Variants in CSMD1 observed in about 807,000 individuals in gnomAD.
CSMD1 encodes CUB and Sushi multiple domains 1, also known as CUB and sushi domain-containing protein 1.
A neutral mutation model predicts 417.5 loss-of-function variants in CSMD1; 213 were observed. The ratio of observed to expected loss-of-function variants is 0.51; its 90% CI spans 0.46 to 0.57. CSMD1 has a LOEUF of 0.57. Among genes scored for constraint, CSMD1 ranks in the 20% least tolerant of loss-of-function variants. CSMD1 has a pLI of 0.00. For missense variants in CSMD1, 6,923 were observed against 4,529.7 expected (o/e 1.53, Z -15.17); for synonymous variants, 2,862 against 1,736.8 (o/e 1.65, Z -16.11).
In CSMD1 at chr8:4,184,039, C is replaced by T. The variant is rs897507392; in HGVS notation, c.416-151940G>A. On this transcript the variant is annotated intron_variant, in intron 3 of 69. Transcript: ENST00000635120. Reference sequence around the variant, plus strand: ...AGTTAATGTTTGCTGATAATGATGGCAAATTCTGTTATTATCTACCCTGCA... The same window carrying T: ...AGTTAATGTTTGCTGATAATGATGGTAAATTCTGTTATTATCTACCCTGCA... Among the ~76,000 whole-genome samples the T allele has an allele frequency of 3.9e-5, 6 of 152,176 alleles. No homozygotes were observed. In the South Asian group the frequency reaches 8.3e-4, roughly 21 times the overall value.
chr8:3,587,160 A>G (rs1483474138), intron 8 of CSMD1, among the ~76,000 whole-genome samples: 1 of 152,222 alleles, frequency 6.6e-6, no homozygotes, highest in Non-Finnish European at 1.5e-5. Flanking sequence ...CCCTGGCTCC[A>G]GAGCTGCATT....
At chr8:4,345,669 T>C (rs1233942225) in intron 3 of CSMD1, among the ~76,000 whole-genome samples, 1 of 152,114 alleles carries the variant, frequency 6.6e-6, no homozygotes, top group African/African-American at 2.4e-5. Flanking sequence ...GAGACCTTTC[T>C]CAAGATATGA....
At chr8:3,309,059 A>G (rs17079869) in intron 23 of CSMD1, among the ~76,000 whole-genome samples, 3,678 of 152,124 alleles carry the variant, frequency 0.024, 151 homozygotes, top group African/African-American at 0.083. Context: ...CCACAACTTC[A>G]TCTGTCAGTC....
At chr8:4,518,348 G>C (rs1803237185) in intron 2 of CSMD1, among the ~76,000 whole-genome samples, 1 of 152,048 alleles carries the variant, frequency 6.6e-6, no homozygotes, top group African/African-American at 2.4e-5. Flanking sequence ...CTTCTCATAA[G>C]ACAATTTGTG....
At chr8:3,798,403 G>C (rs998875910) in intron 5 of CSMD1, among the ~76,000 whole-genome samples, 1 of 152,042 alleles carries the variant, frequency 6.6e-6, no homozygotes, top group African/African-American at 2.4e-5. Flanking sequence ...ATATGCCCAA[G>C]TGTGAGTGTG....
intron 2 of CSMD1, among the ~76,000 whole-genome samples, chr8:4,611,875 T>C (rs1411528961): frequency 1.3e-5 from 2 of 152,200 alleles, no homozygotes; most frequent in African/African-American, 2.4e-5. Flanking sequence ...ACCTTCATAA[T>C]GCATCTTAAA....
chr8:3,810,124 A>G (rs960010041), intron 5 of CSMD1, among the ~76,000 whole-genome samples: 6 of 152,170 alleles, frequency 3.9e-5, no homozygotes, highest in Admixed American at 2.6e-4. Flanking sequence ...TGGTTTGCCA[A>G]GAGTGCTCCC....
chr8:4,282,523 A>G (rs972672989), intron 3 of CSMD1, among the ~76,000 whole-genome samples: 2 of 152,214 alleles, frequency 1.3e-5, no homozygotes, highest in Non-Finnish European at 2.9e-5. Context: ...TTGCGTTTGT[A>G]AAGCAACTAA....
rs373463648 is a variant in CSMD1, at chr8:4,138,913, C to T, written c.416-106814G>A. On this transcript the variant is annotated intron_variant, in intron 3 of 69. Coordinates refer to ENST00000635120, the MANE Select transcript of CSMD1 (RefSeq NM_033225.6). Reference sequence around the variant, plus strand: ...TTTAATACAAATAATTTAATCCAGTCCTGCAAGCTTCTATTTATTTGGAAT... The same window carrying T: ...TTTAATACAAATAATTTAATCCAGTTCTGCAAGCTTCTATTTATTTGGAAT... 9.9e-5 allele frequency among the ~76,000 whole-genome samples: 15 copies of T among 152,200 alleles called. No homozygotes were observed. In the South Asian group the frequency reaches 3.1e-3, roughly 32 times the overall value.
chr8:4,145,973 T>C (rs1185648357), intron 3 of CSMD1, among the ~76,000 whole-genome samples: 2 of 150,980 alleles, frequency 1.3e-5, no homozygotes, highest in African/African-American at 2.5e-5. Flanking sequence ...CTGTCATTTG[T>C]AGACAGGGTG....
rs556904071 is a variant in CSMD1, at chr8:3,142,477, G to A, written c.6229C>T (p.Leu2077Phe). 1 of 1,613,438 alleles carries A rather than the reference G, an allele frequency of 6.2e-7. No individual in the cohort carries two copies. Among genetic ancestry groups the A allele is most frequent in the Non-Finnish European group, 8.5e-7 (1 of 1,179,592 alleles). ...DHSQNRQGFK[L>F]AYQAYELQNC... ...TGTTGTTCCATACCTTGGTAAGCAA[G>A]TTTAAATCCTTGCCGGTTTTGCGAA... Residue 2077 changes from leucine to phenylalanine, a missense_variant, in exon 41 of 70, where the codon CTT (leucine) becomes TTT (phenylalanine). Coordinates refer to ENST00000635120, the MANE Select transcript of CSMD1 (RefSeq NM_033225.6).
intron 54 of CSMD1, among the ~76,000 whole-genome samples, chr8:2,984,639 G>A (rs73657534): frequency 7.0e-4 from 107 of 152,322 alleles, no homozygotes; most frequent in African/African-American, 2.4e-3. Context: ...GAGCCACCGC[G>A]CCTCGCCTCA....
Position 4,461,883 on chromosome 8 carries a change from G to A in CSMD1, c.303-41818C>T, listed in dbSNP as rs542499701. Among the ~76,000 whole-genome samples, 322 of 151,962 alleles carry A rather than the reference G, an allele frequency of 2.1e-3. 1 individual carries two copies. Among genetic ancestry groups the A allele is most frequent in the African/African-American group, 7.4e-3 (306 of 41,432 alleles). On this transcript the variant is annotated intron_variant, in intron 2 of 69. Transcript: ENST00000635120. ...AGCCTCCCGAGTAGCTCGGACTACA[G>A]GAGCCCGCCACCACGCCCGGCTAAT... is the stretch of plus-strand genomic sequence containing the variant.
intron 21 of CSMD1, among the ~76,000 whole-genome samples, chr8:3,354,112 G>A (rs1000279763): frequency 1.3e-5 from 2 of 151,968 alleles, no homozygotes; most frequent in African/African-American, 2.4e-5. Context: ...ATTTTATTGG[G>A]GACATTAAAT....
chr8:3,995,864 A>G (rs1456207273), intron 5 of CSMD1, among the ~76,000 whole-genome samples: 1 of 152,164 alleles, frequency 6.6e-6, no homozygotes, highest in African/African-American at 2.4e-5. Flanking sequence ...GGCACACAGG[A>G]TCATAGTTCC....
chr8:3,525,592 G>T (rs1443665017), intron 10 of CSMD1, among the ~76,000 whole-genome samples: 1 of 152,162 alleles, frequency 6.6e-6, no homozygotes, highest in Non-Finnish European at 1.5e-5. Context: ...GGATAAGTCT[G>T]TCACTAGGAG....
intron 39 of CSMD1, among the ~76,000 whole-genome samples, chr8:3,155,153 G>C (rs983728918): frequency 6.6e-6 from 1 of 151,920 alleles, no homozygotes; most frequent in African/African-American, 2.4e-5. Context: ...GTAATACAAA[G>C]TGACAGCAAA....
intron 7 of CSMD1, among the ~76,000 whole-genome samples, chr8:3,703,646 G>C (rs1035213076): frequency 6.6e-6 from 1 of 152,120 alleles, no homozygotes; most frequent in African/African-American, 2.4e-5. Flanking sequence ...CACTGGCCTA[G>C]CAGGAAGAAG....
chr8:4,228,402 C>T (rs965278926), intron 3 of CSMD1, among the ~76,000 whole-genome samples: 3 of 152,028 alleles, frequency 2.0e-5, no homozygotes, highest in African/African-American at 4.8e-5. Flanking sequence ...ATCTATGCCC[C>T]ATATTTTGCT....
Sources: allele counts gnomAD v4.1 joint callset (sites outside exome capture counted in the v4.1 genomes callset), GRCh38; gene constraint gnomAD v4.1.1; transcripts MANE v1.5; gene names NCBI Gene and HGNC (gene_info 2026-07-23, HGNC 2026-07-21).